Variants in ADGRV1 observed in about 807,000 individuals in gnomAD.
The protein encoded by ADGRV1 is adhesion G protein-coupled receptor V1.
Under a neutral mutation model 596.2 loss-of-function variants are expected in ADGRV1, and 359 were observed. That is an observed-to-expected ratio of 0.60 (90% CI 0.55 to 0.66). The LOEUF (loss-of-function observed/expected upper bound fraction) is 0.66. ADGRV1 is among the 30% of genes least tolerant of loss of function. The pLI, the probability that ADGRV1 is intolerant of heterozygous loss-of-function variation, is 0.00. For missense variants in ADGRV1, 7,274 were observed against 7,575.6 expected (o/e 0.96, Z 1.48); for synonymous variants, 2,681 against 2,679.2 (o/e 1.00, Z -0.02).
intron 83 of ADGRV1, among the ~76,000 whole-genome samples, chr5:90,961,876 A>G (rs1363371429): frequency 6.6e-6 from 1 of 152,072 alleles, no homozygotes; most frequent in Non-Finnish European, 1.5e-5. Context: ...AATGGAATTG[A>G]GAATAGTATT....
chr5:90,765,167 C>G (rs1029681263), intron 59 of ADGRV1, among the ~76,000 whole-genome samples: 1 of 152,108 alleles, frequency 6.6e-6, no homozygotes, highest in Admixed American at 6.5e-5. Context: ...CTGGGCCTTT[C>G]ACCAGTAACT....
At chr5:90,803,962 G>T (rs567324672) in intron 71 of ADGRV1, among the ~76,000 whole-genome samples, 2 of 152,014 alleles carry the variant, frequency 1.3e-5, no homozygotes, top group African/African-American at 2.4e-5. Context: ...CACATCTTTG[G>T]TGTAACCTCT....
In ADGRV1 at chr5:90,820,193, TC is replaced by T. The variant is rs1177168931; in HGVS notation, c.16197-3231del. ...TAATGGCCTTCTTTGTCTCTTTTGA[TC>T]TTTGTTGGTTTAAAGTCTGTTTTAT... On this transcript the variant is annotated intron_variant, in intron 75 of 89. Coordinates refer to ENST00000405460, the MANE Select transcript of ADGRV1 (RefSeq NM_032119.4). Among the ~76,000 whole-genome samples the T allele has an allele frequency of 6.0e-5, 9 of 149,058 alleles. No homozygotes were observed. In the South Asian group the frequency reaches 1.8e-3, roughly 29 times the overall value.
chr5:90,578,250 G>C (rs575107255), intron 1 of ADGRV1, among the ~76,000 whole-genome samples: 67 of 152,288 alleles, frequency 4.4e-4, no homozygotes, highest in Middle Eastern at 3.4e-3. Flanking sequence ...CTGTGGGTTT[G>C]TCATAAATAG....
intron 86 of ADGRV1, among the ~76,000 whole-genome samples, chr5:91,084,113 G>C (rs778573861): frequency 6.6e-6 from 1 of 151,820 alleles, no homozygotes; most frequent in Non-Finnish European, 1.5e-5. Context: ...CCCTTCTGCC[G>C]GTTTCTTACT....
chr5:90,602,750 A>G (rs944144752), intron 1 of ADGRV1, among the ~76,000 whole-genome samples: 16 of 152,252 alleles, frequency 1.1e-4, no homozygotes, highest in Non-Finnish European at 2.2e-4. Context: ...AAACTGGAAT[A>G]AAGTGTTGAC....
intron 83 of ADGRV1, among the ~76,000 whole-genome samples, chr5:90,902,528 C>G (rs769531325): frequency 2.0e-5 from 3 of 152,076 alleles, no homozygotes; most frequent in Non-Finnish European, 4.4e-5. Flanking sequence ...TATATTTGCT[C>G]TGCAAGTCTT....
At chr5:91,149,634 C>T (rs1324928574) in intron 87 of ADGRV1, among the ~76,000 whole-genome samples, 2 of 151,926 alleles carry the variant, frequency 1.3e-5, no homozygotes, top group Admixed American at 1.3e-4. Flanking sequence ...GAGTTCGAGA[C>T]CAGCCTGGCC....
intron 42 of ADGRV1, among the ~76,000 whole-genome samples, chr5:90,713,944 A>G (rs960918942): frequency 6.6e-6 from 1 of 152,212 alleles, no homozygotes; most frequent in East Asian, 1.9e-4. Flanking sequence ...TTCTTAAACC[A>G]TGCCCCATTG....
chr5:90,697,744 T>C (rs777675886), intron 34 of ADGRV1, among the ~76,000 whole-genome samples: 60 of 152,272 alleles, frequency 3.9e-4, no homozygotes, highest in Non-Finnish European at 6.8e-4. Flanking sequence ...TTTGCATAGA[T>C]GGGCTAATTT....
At chr5:90,927,173 A>C (rs1274408383) in intron 83 of ADGRV1, among the ~76,000 whole-genome samples, 1 of 150,596 alleles carries the variant, frequency 6.6e-6, no homozygotes, top group Non-Finnish European at 1.5e-5. Flanking sequence ...AGCTGAGTTC[A>C]ATTCCTGGGT....
intron 75 of ADGRV1, among the ~76,000 whole-genome samples, chr5:90,817,004 T>A (rs1762961994): frequency 6.6e-6 from 1 of 152,136 alleles, no homozygotes; most frequent in Admixed American, 6.5e-5. Context: ...TCCACAATGG[T>A]TGAACTAGTT....
intron 59 of ADGRV1, among the ~76,000 whole-genome samples, chr5:90,767,836 C>A (rs889164346): frequency 2.6e-5 from 4 of 152,210 alleles, no homozygotes; most frequent in Non-Finnish European, 5.9e-5. Flanking sequence ...GTTCTGCCAT[C>A]ATTCTTGAGG....
intron 83 of ADGRV1, among the ~76,000 whole-genome samples, chr5:90,927,115 T>A (rs1187667067): frequency 1.3e-5 from 2 of 148,968 alleles, no homozygotes; most frequent in African/African-American, 5.0e-5. Flanking sequence ...ATTCTGTTGA[T>A]TTGGGGTGGA....
At position 90,863,739 on chromosome 5, in the gene ADGRV1, A is replaced by C. The variant is rs1554139653; in HGVS notation, c.17756-18A>C. Reference sequence around the variant, plus strand: ...TCATGGATTATTAAACCATATGTGGACTTTTTTGTTCCTACAGGTCTTTGC... The same window carrying C: ...TCATGGATTATTAAACCATATGTGGCCTTTTTTGTTCCTACAGGTCTTTGC... On this transcript the variant is annotated intron_variant, in intron 82 of 89. Transcript: ENST00000405460. 4 of 1,555,800 alleles carry C rather than the reference A, an allele frequency of 2.6e-6. No individual in the cohort carries two copies. Among genetic ancestry groups the C allele is most frequent in the Non-Finnish European group, 3.5e-6 (4 of 1,127,308 alleles).
At chr5:90,831,616 G>A (rs1374338833) in intron 77 of ADGRV1, among the ~76,000 whole-genome samples, 2 of 151,440 alleles carry the variant, frequency 1.3e-5, no homozygotes, top group Admixed American at 6.6e-5. Flanking sequence ...ATAAATTATT[G>A]TTGACTATAG....
intron 82 of ADGRV1, among the ~76,000 whole-genome samples, chr5:90,861,589 C>G (rs753192370): frequency 1.8e-4 from 27 of 151,098 alleles, no homozygotes; most frequent in Non-Finnish European, 2.4e-4. Flanking sequence ...GATTACAGGC[C>G]TGAGCCACCA....
At chr5:90,772,528 A>G (rs1336379537) in intron 59 of ADGRV1, among the ~76,000 whole-genome samples, 1 of 152,170 alleles carries the variant, frequency 6.6e-6, no homozygotes, top group Non-Finnish European at 1.5e-5. Flanking sequence ...TGTTAGATGA[A>G]CTTTATTCAG....
intron 83 of ADGRV1, among the ~76,000 whole-genome samples, chr5:90,889,932 CT>C (rs1315987915): frequency 6.6e-6 from 1 of 152,110 alleles, no homozygotes; most frequent in Non-Finnish European, 1.5e-5. Flanking sequence ...ACTTGAGAGA[CT>C]TTGCACACTT....
Sources: allele counts gnomAD v4.1 joint callset (sites outside exome capture counted in the v4.1 genomes callset), GRCh38; gene constraint gnomAD v4.1.1; transcripts MANE v1.5; gene names NCBI Gene and HGNC (gene_info 2026-07-23, HGNC 2026-07-21).